The following JAKMIP2 variants were observed in gnomAD, a reference collection of about 807,000 sequenced individuals.
JAKMIP2 encodes the protein janus kinase and microtubule interacting protein 2.
A neutral mutation model predicts 115.0 loss-of-function variants in JAKMIP2; 25 were observed. The observed-to-expected ratio is 0.22, with a 90% CI of 0.16 to 0.30. The LOEUF (loss-of-function observed/expected upper bound fraction) is 0.30, where lower values mean the gene tolerates loss of function less well. Among genes scored for constraint, JAKMIP2 ranks in the 10% least tolerant of loss-of-function variants. JAKMIP2 has a pLI of 1.00. For synonymous variants in JAKMIP2, 334 were observed against 343.6 expected (o/e 0.97, Z 0.31); for missense variants, 642 against 957.6 (o/e 0.67, Z 4.35).
chr5:147,595,543 G>T, intron 21 of JAKMIP2: 1 of 454,870 alleles, frequency 2.2e-6, no homozygotes, highest in Non-Finnish European at 4.4e-6. Flanking sequence ...CCAGAGTGGT[G>T]AGCAATACAT....
intron 12 of JAKMIP2, among the ~76,000 whole-genome samples, chr5:147,635,301 A>T (rs1186828180): frequency 6.6e-6 from 1 of 152,212 alleles, no homozygotes; most frequent in African/African-American, 2.4e-5. Context: ...AACCAAAATT[A>T]ATTATATCTA....
chr5:147,735,320 C>T (rs555044308), intron 1 of JAKMIP2, among the ~76,000 whole-genome samples: 10 of 152,260 alleles, frequency 6.6e-5, no homozygotes, highest in African/African-American at 2.4e-4. Flanking sequence ...AGTCTGTTCT[C>T]AGGCTGCTAA....
intron 1 of JAKMIP2, among the ~76,000 whole-genome samples, chr5:147,763,686 G>A (rs932881283): frequency 6.6e-6 from 1 of 152,158 alleles, no homozygotes; most frequent in Non-Finnish European, 1.5e-5. Context: ...AGGTAATGGA[G>A]AGGGCTTAAC....
intron 20 of JAKMIP2, among the ~76,000 whole-genome samples, chr5:147,608,936 C>T (rs570950003): frequency 1.1e-4 from 17 of 150,802 alleles, no homozygotes; most frequent in Non-Finnish European, 2.2e-4. Context: ...TAATGCCCTG[C>T]TTTGTCTTTT....
intron 3 of JAKMIP2, among the ~76,000 whole-genome samples, chr5:147,659,444 C>T (rs1758849084): frequency 6.6e-6 from 1 of 152,156 alleles, no homozygotes. Context: ...GCGTTGGTCT[C>T]GCTGGGAGCT....
intron 1 of JAKMIP2, among the ~76,000 whole-genome samples, chr5:147,686,464 T>C (rs576379512): frequency 1.3e-5 from 2 of 152,308 alleles, no homozygotes; most frequent in Admixed American, 1.3e-4. Context: ...TGTTCACTTT[T>C]TTCCCTTCAA....
At chr5:147,656,229 G>A (rs961776605) in intron 3 of JAKMIP2, among the ~76,000 whole-genome samples, 1 of 152,222 alleles carries the variant, frequency 6.6e-6, no homozygotes, top group African/African-American at 2.4e-5. Context: ...CTGAGTTGAA[G>A]TCCTGAATAC....
chr5:147,667,236 C>T (rs557246723), intron 2 of JAKMIP2, among the ~76,000 whole-genome samples: 27 of 152,112 alleles, frequency 1.8e-4, no homozygotes, highest in African/African-American at 6.0e-4. Context: ...TTTCCAAATC[C>T]TTTCTACCCT....
At position 147,640,723 on chromosome 5, in the gene JAKMIP2, G is replaced by A; in HGVS notation, c.1382C>T (p.Pro461Leu). The change falls in exon 9 of 22, where the codon CCT becomes CTT. Residue 461 changes from proline (P) to leucine (L), a missense_variant. Physicochemically the swap from Pro to Leu is moderately conservative, Grantham distance 98. Around this residue, in one of 6 missense-constraint regions of JAKMIP2, gnomAD observed 439 missense variants for 570.9 expected, o/e 0.77. Transcript: ENST00000616793. The part of the protein sequence containing the change: ...SFRTDRTPAT[P>L]DDDLDESLAA... The stretch of plus-strand genomic sequence containing the variant: ...GCTTACTTCATCCAAGTCATCATCA[G>A]GAGTAGCTGGTGTTCTGTCTGTTCT... 2 of 1,613,680 alleles carry A rather than the reference G, an allele frequency of 1.2e-6. No homozygotes were observed. Among genetic ancestry groups the A allele is most frequent in the Non-Finnish European group, 1.7e-6 (2 of 1,179,746 alleles).
chr5:147,647,278 T>C (rs1372673660), intron 5 of JAKMIP2, among the ~76,000 whole-genome samples: 2 of 152,032 alleles, frequency 1.3e-5, no homozygotes, highest in Non-Finnish European at 2.9e-5. Flanking sequence ...TACATGATAT[T>C]AGAAAAATTT....
intron 1 of JAKMIP2, among the ~76,000 whole-genome samples, chr5:147,775,512 A>C (rs979799635): frequency 6.6e-6 from 1 of 152,240 alleles, no homozygotes; most frequent in African/African-American, 2.4e-5. Context: ...TTTTAAAAGA[A>C]AATAAAAAGA....
intron 8 of JAKMIP2, among the ~76,000 whole-genome samples, chr5:147,641,199 C>T (rs1029594807): frequency 6.6e-6 from 1 of 152,144 alleles, no homozygotes; most frequent in African/African-American, 2.4e-5. Flanking sequence ...TAAGCCTTGT[C>T]ATCCAAGTCC....
Position 147,608,349 on chromosome 5 carries a change from G to T in JAKMIP2, c.2412+3957C>A, listed in dbSNP as rs1756138602. Among the ~76,000 whole-genome samples the T allele has an allele frequency of 2.6e-5, 4 of 152,242 alleles. No homozygotes were observed. The South Asian group carries it at 8.3e-4, about 32-fold the overall frequency. ...TCCCTCTAAACACTGTTTTAGCTGT[G>T]TCCCAGAGATTCTGTTATGTTGTGT... On this transcript the variant is annotated intron_variant, in intron 20 of 21. Coordinates refer to ENST00000616793, the MANE Select transcript of JAKMIP2 (RefSeq NM_001270941.2).
intron 1 of JAKMIP2, among the ~76,000 whole-genome samples, chr5:147,729,809 T>C (rs1179499546): frequency 1.3e-5 from 2 of 151,184 alleles, no homozygotes; most frequent in African/African-American, 4.9e-5. Context: ...CTGTGAAATA[T>C]TTATTCCCTG....
chr5:147,700,428 GAC>G (rs140187504), intron 1 of JAKMIP2, among the ~76,000 whole-genome samples: 2,984 of 152,100 alleles, frequency 0.02, 93 homozygotes, highest in East Asian at 0.12. Context: ...GGAACAAAAA[GAC>G]AGATATTTAA....
At chr5:147,646,013 T>C (rs1272491465) in intron 5 of JAKMIP2, among the ~76,000 whole-genome samples, 2 of 152,202 alleles carry the variant, frequency 1.3e-5, no homozygotes, top group Non-Finnish European at 2.9e-5. Context: ...TTCTTACTAA[T>C]GATTCTGAAT....
At chr5:147,733,639 G>A (rs955712731) in intron 1 of JAKMIP2, among the ~76,000 whole-genome samples, 7 of 151,986 alleles carry the variant, frequency 4.6e-5, no homozygotes, top group Non-Finnish European at 7.4e-5. Flanking sequence ...GACAGGCCCC[G>A]GTGCGTGATG....
intron 3 of JAKMIP2, among the ~76,000 whole-genome samples, chr5:147,652,527 C>G (rs966262970): frequency 2.0e-5 from 3 of 152,094 alleles, no homozygotes; most frequent in Non-Finnish European, 4.4e-5. Flanking sequence ...CCATTTCTCT[C>G]CCTTTCAGTT....
intron 1 of JAKMIP2, among the ~76,000 whole-genome samples, chr5:147,691,416 C>A (rs1751849788): frequency 6.6e-6 from 1 of 152,008 alleles, no homozygotes; most frequent in African/African-American, 2.4e-5. Flanking sequence ...GCTTAAAAGG[C>A]CAAGGATTTT....
Sources: allele counts gnomAD v4.1 joint callset (sites outside exome capture counted in the v4.1 genomes callset), GRCh38; gene constraint gnomAD v4.1.1; regional missense constraint gnomAD v4.1.1; transcripts MANE v1.5; gene names NCBI Gene and HGNC (gene_info 2026-07-23, HGNC 2026-07-21).